The following ADCY8 variants were observed in gnomAD, a reference collection of about 807,000 sequenced individuals.
ADCY8 encodes the protein adenylate cyclase type 8.
ADCY8 carries 51 observed loss-of-function variants against 119.7 expected under a neutral mutation model. The observed-to-expected ratio is 0.43, with a 90% CI of 0.34 to 0.54. ADCY8 has a LOEUF of 0.54. Ranked by LOEUF, ADCY8 falls within the 20% of genes least tolerant of loss-of-function variation. The pLI, the probability that ADCY8 is intolerant of heterozygous loss-of-function variation, is 0.03. For synonymous variants in ADCY8, 665 were observed against 651.0 expected, an observed-to-expected ratio of 1.02 and a Z score of -0.33; for missense variants, 1,383 against 1,598.8, an observed-to-expected ratio of 0.87 and a Z score of 2.30.
At chr8:131,000,999 G>A (rs370246114) in intron 1 of ADCY8, among the ~76,000 whole-genome samples, 66 of 152,170 alleles carry the variant, frequency 4.3e-4, no homozygotes, top group African/African-American at 1.6e-3. Context: ...CAGTTAAGAC[G>A]TTCATGGAGC....
At chr8:130,911,279 T>TGTTA (rs1379341837) in intron 5 of ADCY8, among the ~76,000 whole-genome samples, 1 of 152,226 alleles carries the variant, frequency 6.6e-6, no homozygotes, top group African/African-American at 2.4e-5. Flanking sequence ...ACCAAAGTTA[T>TGTTA]GTTATATCAT....
intron 15 of ADCY8, among the ~76,000 whole-genome samples, chr8:130,799,919 T>C (rs767473582): frequency 1.5e-5 from 2 of 131,454 alleles, no homozygotes; most frequent in Non-Finnish European, 3.2e-5. Context: ...GGAACTGAAG[T>C]GCAGCGTGAG....
intron 1 of ADCY8, among the ~76,000 whole-genome samples, chr8:131,018,824 C>A (rs1327720217): frequency 6.6e-6 from 1 of 152,172 alleles, no homozygotes; most frequent in African/African-American, 2.4e-5. Flanking sequence ...AAACCATCTT[C>A]TTCCATTTGA....
At chr8:130,843,797 G>A (rs17227830) in intron 11 of ADCY8, among the ~76,000 whole-genome samples, 11,708 of 151,962 alleles carry the variant, frequency 0.077, 616 homozygotes, top group Middle Eastern at 0.18. Flanking sequence ...CACTCCTTAC[G>A]TCAATAAATT....
intron 1 of ADCY8, among the ~76,000 whole-genome samples, chr8:130,996,564 A>T (rs1197343529): frequency 1.3e-5 from 2 of 152,154 alleles, no homozygotes; most frequent in African/African-American, 4.8e-5. Context: ...TACATGATAC[A>T]TGTAGCTCAA....
chr8:130,871,346 A>G (rs1240422434), intron 8 of ADCY8, among the ~76,000 whole-genome samples: 1 of 152,204 alleles, frequency 6.6e-6, no homozygotes, highest in Middle Eastern at 3.2e-3. Context: ...GAACTAATCA[A>G]GAGCTAGATT....
chr8:130,853,228 A>G (rs1387161549), intron 9 of ADCY8, among the ~76,000 whole-genome samples: 1 of 152,122 alleles, frequency 6.6e-6, no homozygotes, highest in Non-Finnish European at 1.5e-5. Context: ...GCCTTGATCT[A>G]CCCTATGGGA....
intron 6 of ADCY8, 102 bp downstream of exon 6, chr8:130,909,606 C>T: frequency 7.2e-7 from 1 of 1,383,738 alleles, no homozygotes; most frequent in Non-Finnish European, 1.0e-6. Context: ...CAAATAATTG[C>T]TTCCTAGATC....
chr8:130,846,888 T>TCCCC, intron 11 of ADCY8, among the ~76,000 whole-genome samples: 1 of 19,834 alleles, frequency 5.0e-5, no homozygotes, highest in Non-Finnish European at 8.7e-5. Context: ...TTCCCTTCCC[T>TCCCC]TTCCTTCCTT....
chr8:130,923,888 T>C (rs1230224150), intron 5 of ADCY8, among the ~76,000 whole-genome samples: 1 of 152,250 alleles, frequency 6.6e-6, no homozygotes, highest in Non-Finnish European at 1.5e-5. Flanking sequence ...GAATTTACTA[T>C]GAGGCTGTTT....
chr8:130,984,573 C>T (rs1319295229), intron 2 of ADCY8, among the ~76,000 whole-genome samples: 1 of 151,342 alleles, frequency 6.6e-6, no homozygotes, highest in Middle Eastern at 3.2e-3. Context: ...TGAGTGACTA[C>T]AGGTGGCTAG....
chr8:130,845,825 G>A (rs769318714), intron 11 of ADCY8, among the ~76,000 whole-genome samples: 1 of 152,036 alleles, frequency 6.6e-6, no homozygotes, highest in Non-Finnish European at 1.5e-5. Flanking sequence ...ATCAAGCCTT[G>A]ATAATTGAAT....
At chr8:130,831,743 A>G (rs1024421175) in intron 12 of ADCY8, among the ~76,000 whole-genome samples, 2 of 152,178 alleles carry the variant, frequency 1.3e-5, no homozygotes, top group South Asian at 4.1e-4. Flanking sequence ...TAGAAAGAAT[A>G]TGAGTTCACC....
rs577907510 is a variant in ADCY8 at position 130,794,959 on chromosome 8, C to T, written c.3060+5467G>A. On this transcript the variant is annotated intron_variant, in intron 15 of 17. Coordinates refer to ENST00000286355, the MANE Select transcript of ADCY8 (RefSeq NM_001115.3). ...AAAATTCCAGGCTGGGGTGGTGGCT[C>T]ACATCTGTAATCCCAGCACTGTGGG... 7.9e-4 allele frequency among the ~76,000 whole-genome samples: 120 copies of T among 152,248 alleles called. 2 individuals are homozygous for T. The highest frequency in any genetic ancestry group is 2.5e-3 in the African/African-American group (103 of 41,556).
At position 130,780,771 on chromosome 8, in the gene ADCY8, C is replaced by A; in HGVS notation, c.3375G>T (p.Gly1125=). Residue 1125 remains glycine, a synonymous_variant, in exon 18 of 18, where the codon GGG becomes GGT. Transcript: ENST00000286355. ...CTGGGACTTGGATCCGGCCACTAAC[C>A]CCCGTGCTGTCCATTCGGCTTGCCA... is the stretch of plus-strand genomic sequence containing the variant. The part of the protein sequence containing the change: ...VNLASRMDST[G]VSGRIQVPEE... The A allele has an allele frequency of 1.9e-6, 3 of 1,614,198 alleles. No individual in the cohort carries two copies. Among genetic ancestry groups the A allele is most frequent in the South Asian group, 2.2e-5 (2 of 91,074 alleles).
chr8:130,916,037 TAACA>T (rs999938060), intron 5 of ADCY8, among the ~76,000 whole-genome samples: 1 of 152,148 alleles, frequency 6.6e-6, no homozygotes, highest in Non-Finnish European at 1.5e-5. Flanking sequence ...ATCATCTTCA[TAACA>T]AACCTGGGTA....
intron 15 of ADCY8, among the ~76,000 whole-genome samples, chr8:130,786,655 A>T (rs560491230): frequency 6.6e-6 from 1 of 152,342 alleles, no homozygotes; most frequent in South Asian, 2.1e-4. Flanking sequence ...TATATGTTGG[A>T]TGAACAAGAT....
intron 2 of ADCY8, among the ~76,000 whole-genome samples, chr8:130,974,632 G>C (rs933694844): frequency 2.0e-5 from 3 of 152,022 alleles, no homozygotes. Context: ...CTTCTTACTG[G>C]GAGTTGCAGT....
rs1161422097 is a variant in ADCY8, at chr8:130,800,647, CAT to C, written c.2914-77_2914-76del. 5.7e-4 allele frequency: 865 copies of C among 1,507,680 alleles called. 6 individuals carry two copies. In the African/African-American group the frequency reaches 9.3e-3, roughly 16 times the overall value. The allele number at this position is 1,507,680 out of a possible 1,614,324, so 93.4% of individuals were successfully genotyped here. ...TCTGCAGTGATGCTTCCTGTGCACA[CAT>C]GTGGGTACACACGTGCACAGTCACC... On this transcript the variant is annotated intron_variant, in intron 14 of 17. Coordinates refer to ENST00000286355, the MANE Select transcript of ADCY8 (RefSeq NM_001115.3).
Sources: gnomAD v4.1 joint callset for allele counts (sites outside exome capture counted in the v4.1 genomes callset) on GRCh38, gnomAD v4.1.1 for gene constraint, MANE v1.5 for transcripts, NCBI Gene and HGNC (gene_info 2026-07-23, HGNC 2026-07-21) for gene names.